FGF14: variants seen among roughly 807,000 people sequenced by gnomAD.
FGF14 encodes fibroblast growth factor 14, also known as fibroblast growth factor homologous factor 4.
A neutral mutation model predicts 25.5 loss-of-function variants in FGF14; 5 were observed. The ratio of observed to expected loss-of-function variants is 0.20; its 90% CI spans 0.10 to 0.41. The LOEUF is 0.41. FGF14 is among the 10% of genes least tolerant of loss of function. The pLI is 1.00. For missense variants in FGF14, 222 were observed against 320.1 expected, an observed-to-expected ratio of 0.69 and a Z score of 2.34; for synonymous variants, 138 against 118.3, an observed-to-expected ratio of 1.17 and a Z score of -1.08.
chr13:102,334,685 T>C (rs146422274), intron 1 of FGF14, among the ~76,000 whole-genome samples: 6 of 152,354 alleles, frequency 3.9e-5, no homozygotes, highest in Admixed American at 3.3e-4. Context: ...CTTCATGTTA[T>C]ATGCACAGTA....
intron 1 of FGF14, among the ~76,000 whole-genome samples, chr13:102,309,022 C>T (rs954347705): frequency 2.6e-5 from 4 of 151,360 alleles, no homozygotes; most frequent in African/African-American, 9.7e-5. Flanking sequence ...AAAAATGGGA[C>T]ACCAGAAATA....
chr13:101,868,568 G>A (rs560745959), intron 3 of FGF14, 157 bp downstream of exon 3: 2 of 677,284 alleles, frequency 3.0e-6, no homozygotes, highest in African/African-American at 1.8e-5. Context: ...CTAAACACTG[G>A]TGAATAATAA....
chr13:102,226,545 T>TC (rs2050833663), intron 1 of FGF14, among the ~76,000 whole-genome samples: 1 of 152,222 alleles, frequency 6.6e-6, no homozygotes. Context: ...CATTTCAGCT[T>TC]CAATACTTCA....
At chr13:101,849,847 A>G (rs753540727) in intron 3 of FGF14, among the ~76,000 whole-genome samples, 3 of 151,992 alleles carry the variant, frequency 2.0e-5, no homozygotes, top group Non-Finnish European at 4.4e-5. Context: ...CCCCTAATTA[A>G]CTGAGTGAAC....
At chr13:102,064,940 G>C (rs992631177) in intron 1 of FGF14, among the ~76,000 whole-genome samples, 3 of 152,058 alleles carry the variant, frequency 2.0e-5, no homozygotes, top group South Asian at 4.1e-4. Context: ...CAGATACTGA[G>C]AGATGACTGT....
intron 3 of FGF14, among the ~76,000 whole-genome samples, chr13:101,832,211 A>G (rs917208401): frequency 6.6e-6 from 1 of 151,944 alleles, no homozygotes; most frequent in African/African-American, 2.4e-5. Flanking sequence ...GATGCTGGAA[A>G]CCACCGGAAA....
intron 1 of FGF14, among the ~76,000 whole-genome samples, chr13:102,208,260 G>C (rs192273636): frequency 6.6e-6 from 1 of 152,246 alleles, no homozygotes; most frequent in East Asian, 1.9e-4. Flanking sequence ...TGAGGTCCTG[G>C]AGTGTGCTAA....
At chr13:102,368,690 T>C (rs551613562) in intron 1 of FGF14, among the ~76,000 whole-genome samples, 1 of 152,312 alleles carries the variant, frequency 6.6e-6, no homozygotes, top group Non-Finnish European at 1.5e-5. Flanking sequence ...ATGCCATGAT[T>C]TCATTTCAGA....
chr13:102,095,999 G>GTATATA (rs1180718754), intron 1 of FGF14, among the ~76,000 whole-genome samples: 10 of 89,638 alleles, frequency 1.1e-4, no homozygotes, highest in African/African-American at 2.1e-4. Flanking sequence ...GTGTGTGTGT[G>GTATATA]TGTATATATA....
At chr13:101,793,506 A>AT (rs2040354479) in intron 3 of FGF14, among the ~76,000 whole-genome samples, 2 of 152,146 alleles carry the variant, frequency 1.3e-5, no homozygotes, top group African/African-American at 4.8e-5. Context: ...TGATTCCATA[A>AT]GTTGGCCATT....
chr13:102,050,040 G>A (rs995840045), intron 1 of FGF14, among the ~76,000 whole-genome samples: 3 of 152,124 alleles, frequency 2.0e-5, no homozygotes, highest in Non-Finnish European at 2.9e-5. Flanking sequence ...ATACAATGAC[G>A]TTGTTTCAGC....
chr13:101,864,777 T>C (rs1185768488), intron 3 of FGF14, among the ~76,000 whole-genome samples: 2 of 152,140 alleles, frequency 1.3e-5, no homozygotes, highest in Admixed American at 6.6e-5. Context: ...GAAGCACTGA[T>C]GGCACCAGGA....
chr13:102,025,409 A>G (rs1008447789), intron 1 of FGF14, among the ~76,000 whole-genome samples: 1 of 151,910 alleles, frequency 6.6e-6, no homozygotes, highest in African/African-American at 2.4e-5. Flanking sequence ...TCAGTGAACA[A>G]GTATTGTACT....
intron 1 of FGF14, among the ~76,000 whole-genome samples, chr13:102,258,593 G>A (rs771931433): frequency 7.9e-5 from 12 of 152,126 alleles, no homozygotes; most frequent in Non-Finnish European, 1.6e-4. Flanking sequence ...GGGAGCCCAT[G>A]AGAAGAATAT....
upstream of FGF14, among the ~76,000 whole-genome samples, chr13:101,919,884 C>T (rs2033870005): frequency 1.3e-5 from 2 of 152,260 alleles, no homozygotes; most frequent in South Asian, 2.1e-4. Flanking sequence ...CCTGGCGCAG[C>T]GCCTGAACAG....
chr13:101,960,714 G>A (rs1449401083), intron 1 of FGF14, among the ~76,000 whole-genome samples: 1 of 152,140 alleles, frequency 6.6e-6, no homozygotes, highest in Non-Finnish European at 1.5e-5. Flanking sequence ...ATCCAGTAAT[G>A]GGATTGCCAG....
chr13:101,908,287 G>A (rs1349292292), intron 1 of FGF14, among the ~76,000 whole-genome samples: 1 of 152,162 alleles, frequency 6.6e-6, no homozygotes, highest in Non-Finnish European at 1.5e-5. Flanking sequence ...TAAACAGTTA[G>A]CAGATCTTCT....
chr13:101,739,398 T>G (rs1222500627), intron 3 of FGF14, among the ~76,000 whole-genome samples: 1 of 152,098 alleles, frequency 6.6e-6, no homozygotes, highest in African/African-American at 2.4e-5. Flanking sequence ...ATGTTTACAC[T>G]AATGATCGTA....
At chr13:102,103,838 G>A (rs2044775830) in intron 1 of FGF14, among the ~76,000 whole-genome samples, 2 of 152,132 alleles carry the variant, frequency 1.3e-5, no homozygotes, top group African/African-American at 4.8e-5. Flanking sequence ...AGAAATCCAG[G>A]ATGATAAGCG....
Sources: allele counts gnomAD v4.1 joint callset (sites outside exome capture counted in the v4.1 genomes callset), GRCh38; gene constraint gnomAD v4.1.1; transcripts MANE v1.5; gene names NCBI Gene and HGNC (gene_info 2026-07-23, HGNC 2026-07-21).